Variants in GALNT17 observed in about 807,000 individuals in gnomAD.
GALNT17 encodes UDP-GalNAc:polypeptide N-acetylgalactosaminyltransferase-like 3.
In GALNT17, 29 loss-of-function variants were observed where a neutral mutation model predicts 63.7. That is an observed-to-expected ratio of 0.46 (90% CI 0.34 to 0.62). GALNT17 has a LOEUF of 0.62. GALNT17 is among the 20% of genes least tolerant of loss of function. The probability of loss-of-function intolerance (pLI) is 0.01; values close to 1 mark genes in which losing one functional copy is unlikely to be tolerated. For synonymous variants in GALNT17, 305 were observed against 318.3 expected, an observed-to-expected ratio of 0.96 and a Z score of 0.45; for missense variants, 603 against 799.6, an observed-to-expected ratio of 0.75 and a Z score of 2.97.
At chr7:71,411,821 G>C (rs1191044556) in intron 3 of GALNT17, among the ~76,000 whole-genome samples, 1 of 152,172 alleles carries the variant, frequency 6.6e-6, no homozygotes, top group Non-Finnish European at 1.5e-5. Context: ...TGACTTTCCT[G>C]ACCCTGGAGG....
At chr7:71,436,004 A>C (rs952965366) in intron 5 of GALNT17, among the ~76,000 whole-genome samples, 21 of 145,804 alleles carry the variant, frequency 1.4e-4, no homozygotes, top group African/African-American at 4.7e-4. Context: ...TGGGTTACAG[A>C]ACGAGACTCC....
At chr7:71,167,045 CTTT>C (rs35735311) in intron 1 of GALNT17, among the ~76,000 whole-genome samples, 15,556 of 114,612 alleles carry the variant, frequency 0.14, 801 homozygotes, top group African/African-American at 0.24. Context: ...TGGCTAAGTA[CTTT>C]TTTTTTTTTT....
intron 6 of GALNT17, among the ~76,000 whole-genome samples, chr7:71,624,811 A>G (rs1167798920): frequency 6.6e-6 from 1 of 152,216 alleles, no homozygotes; most frequent in Non-Finnish European, 1.5e-5. Context: ...AACATATTAG[A>G]AGGAGGACGG....
rs1790033698 is a variant in GALNT17 at position 71,605,592 on chromosome 7, A to T, written c.1080+34190A>T. On this transcript the variant is annotated intron_variant, in intron 6 of 10. Coordinates refer to ENST00000333538, the MANE Select transcript of GALNT17 (RefSeq NM_022479.3). ...AGAGTGAGACTCCATCTCAAAAAAA[A>T]AAAAAAAGAAAGGTGAAGAACTTAT... is the stretch of plus-strand genomic sequence containing the variant. 1.2e-4 allele frequency among the ~76,000 whole-genome samples: 18 copies of T among 152,122 alleles called. 1 individual carries two copies. In the South Asian group the frequency reaches 3.7e-3, roughly 32 times the overall value.
chr7:71,542,702 A>AAG (rs1268288772), intron 5 of GALNT17, among the ~76,000 whole-genome samples: 4 of 151,610 alleles, frequency 2.6e-5, no homozygotes, highest in Admixed American at 6.6e-5. Context: ...TGTCAAAAAA[A>AAG]AAAAAAAAAG....
intron 2 of GALNT17, among the ~76,000 whole-genome samples, chr7:71,380,742 A>C (rs1354378633): frequency 6.6e-6 from 1 of 151,998 alleles, no homozygotes; most frequent in African/African-American, 2.4e-5. Context: ...TGGGATCCAC[A>C]GTAAGGATGC....
chr7:71,711,986 T>C, intron 10 of GALNT17, 32 bp from the exon 11 acceptor site: 1 of 1,612,410 alleles, frequency 6.2e-7, no homozygotes, highest in Non-Finnish European at 8.5e-7. Context: ...CTCTCTCTCT[T>C]CTCCTCTCTT....
At position 71,595,549 on chromosome 7, in the gene GALNT17, T is replaced by C. The variant is rs975445060; in HGVS notation, c.1080+24147T>C. On this transcript the variant is annotated intron_variant, in intron 6 of 10. Coordinates refer to ENST00000333538, the MANE Select transcript of GALNT17 (RefSeq NM_022479.3). Reference sequence around the variant, plus strand: ...AGTGAGAGTTTCTTGGGCATTTCTTTCTGTGTATCTACAGTTCCTCTCCTG... The same window carrying C: ...AGTGAGAGTTTCTTGGGCATTTCTTCCTGTGTATCTACAGTTCCTCTCCTG... 2.0e-5 allele frequency among the ~76,000 whole-genome samples: 3 copies of C among 152,204 alleles called. No homozygotes were observed. The South Asian group carries it at 6.2e-4, about 32-fold the overall frequency.
chr7:71,214,669 C>T, intron 1 of GALNT17, among the ~76,000 whole-genome samples: 1 of 151,642 alleles, frequency 6.6e-6, no homozygotes, highest in South Asian at 2.1e-4. Flanking sequence ...CCTCCGCCTC[C>T]TGGGTTCAAG....
chr7:71,499,223 C>T (rs1368529100), intron 5 of GALNT17, among the ~76,000 whole-genome samples: 1 of 152,082 alleles, frequency 6.6e-6, no homozygotes, highest in Non-Finnish European at 1.5e-5. Flanking sequence ...TGCAACAAGG[C>T]CCCTATTGGG....
intron 6 of GALNT17, among the ~76,000 whole-genome samples, chr7:71,639,950 A>G: frequency 6.6e-6 from 1 of 152,198 alleles, no homozygotes; most frequent in East Asian, 1.9e-4. Context: ...AAGGATAATC[A>G]TTTCTCGCAA....
chr7:71,236,194 T>TAA (rs199795897), intron 1 of GALNT17, among the ~76,000 whole-genome samples: 21 of 144,054 alleles, frequency 1.5e-4, no homozygotes, highest in African/African-American at 4.1e-4. Context: ...AAAAATTAAA[T>TAA]AAAAAAAAAA....
chr7:71,609,116 T>C (rs1790088676), intron 6 of GALNT17, among the ~76,000 whole-genome samples: 1 of 152,170 alleles, frequency 6.6e-6, no homozygotes, highest in East Asian at 1.9e-4. Context: ...CATTCTAGCA[T>C]GCTCTGCCTG....
At chr7:71,175,378 T>G (rs1788619321) in intron 1 of GALNT17, among the ~76,000 whole-genome samples, 1 of 152,238 alleles carries the variant, frequency 6.6e-6, no homozygotes, top group African/African-American at 2.4e-5. Flanking sequence ...TCTATTTATT[T>G]CTATCATCTG....
chr7:71,133,164 C>G, intron 1 of GALNT17, 124 bp downstream of exon 1: 3 of 788,024 alleles, frequency 3.8e-6, no homozygotes, highest in Middle Eastern at 3.9e-4. Context: ...CCCGCGCGCT[C>G]CTTCTTACCC....
chr7:71,663,762 C>G (rs773116044), intron 6 of GALNT17, among the ~76,000 whole-genome samples: 3 of 152,156 alleles, frequency 2.0e-5, no homozygotes, highest in Non-Finnish European at 4.4e-5. Context: ...CAACAAAAGT[C>G]AAGAAGGGGG....
At chr7:71,690,926 G>A (rs1296115295) in intron 9 of GALNT17, among the ~76,000 whole-genome samples, 2 of 152,152 alleles carry the variant, frequency 1.3e-5, no homozygotes, top group African/African-American at 2.4e-5. Flanking sequence ...TACTCCTGAT[G>A]GGGATGTTGT....
chr7:71,488,345 A>AT (rs1787947676), intron 5 of GALNT17, among the ~76,000 whole-genome samples: 1 of 152,056 alleles, frequency 6.6e-6, no homozygotes, highest in Non-Finnish European at 1.5e-5. Flanking sequence ...ATCTGCCTGG[A>AT]GTACAGCGTA....
intron 5 of GALNT17, among the ~76,000 whole-genome samples, chr7:71,568,118 T>A (rs1192633800): frequency 1.3e-5 from 2 of 152,214 alleles, no homozygotes; most frequent in Non-Finnish European, 2.9e-5. Context: ...GGAAGCACCT[T>A]AACGGTGTTT....
Sources: gnomAD v4.1 joint callset for allele counts (sites outside exome capture counted in the v4.1 genomes callset) on GRCh38, gnomAD v4.1.1 for gene constraint, MANE v1.5 for transcripts, NCBI Gene and HGNC (gene_info 2026-07-23, HGNC 2026-07-21) for gene names.